SH2D2A: variants seen among roughly 807,000 people sequenced by gnomAD.
The protein encoded by SH2D2A is SH2 domain containing 2A.
SH2D2A carries 33 observed loss-of-function variants against 43.6 expected under a neutral mutation model. That is an observed-to-expected ratio of 0.76 (90% CI 0.57 to 1.01). The LOEUF (loss-of-function observed/expected upper bound fraction) is 1.01, where lower values mean the gene tolerates loss of function less well. SH2D2A is among the 50% of genes least tolerant of loss of function. The pLI is 0.00. For synonymous variants in SH2D2A, 212 were observed against 206.1 expected (o/e 1.03, Z -0.25); for missense variants, 491 against 503.1 (o/e 0.98, Z 0.23).
intron 2 of SH2D2A, chr1:156,815,436 T>A: frequency 1.8e-6 from 1 of 570,828 alleles, no homozygotes; most frequent in Non-Finnish European, 3.1e-6. Flanking sequence ...CTTTGCCCTC[T>A]GGGTCCTGAG....
chr1:156,815,432 C>T, intron 2 of SH2D2A: 1 of 568,602 alleles, frequency 1.8e-6, no homozygotes, highest in Admixed American at 3.1e-5. Context: ...CTTCCTTTGC[C>T]CTCTGGGTCC....
intron 5 of SH2D2A, among the ~76,000 whole-genome samples, 172 bp downstream of exon 5, chr1:156,813,676 G>T (rs1308376522): frequency 6.6e-6 from 1 of 152,312 alleles, no homozygotes; most frequent in East Asian, 1.9e-4. Flanking sequence ...CATATTTCTC[G>T]AAGGGCCTGC....
intron 5 of SH2D2A, among the ~76,000 whole-genome samples, chr1:156,813,256 C>G (rs138519860): frequency 6.6e-6 from 1 of 152,340 alleles, no homozygotes; most frequent in East Asian, 1.9e-4. Context: ...CCCGCATCCT[C>G]CCCTGGCCTC....
intron 3 of SH2D2A, chr1:156,814,668 T>C (rs1365182813): frequency 5.2e-6 from 2 of 387,322 alleles, no homozygotes; most frequent in African/African-American, 2.1e-5. Flanking sequence ...GGCTGAGAAA[T>C]GGAGGAGGGA....
At chr1:156,814,490 C>A in intron 3 of SH2D2A, 196 bp from the exon 4 acceptor site, 1 of 1,051,052 alleles carries the variant, frequency 9.5e-7, no homozygotes, top group East Asian at 2.7e-5. Context: ...TGGACAGGGG[C>A]CAGGGGTCCC....
At position 156,816,745 on chromosome 1, in the gene SH2D2A, G is replaced by T; in HGVS notation, c.-37C>A. 1 of 1,564,714 alleles carries T rather than the reference G, an allele frequency of 6.4e-7. No individual in the cohort carries two copies. Among genetic ancestry groups the T allele is most frequent in the Non-Finnish European group, 8.7e-7 (1 of 1,155,852 alleles). ...CACAAGGGATCCCAGAGCAGGGTGT[G>T]TGTATGTGTTCCGGAAAGGTGTGCA... On this transcript the variant is annotated 5_prime_UTR_variant, in exon 1 of 9. Transcript: ENST00000368199.
intron 5 of SH2D2A, among the ~76,000 whole-genome samples, chr1:156,812,316 C>G (rs1653475760): frequency 6.6e-6 from 1 of 152,176 alleles, no homozygotes; most frequent in Non-Finnish European, 1.5e-5. Context: ...CAGAATAAAA[C>G]TTCAAATGCA....
Position 156,807,240 on chromosome 1 carries a change from G to C in SH2D2A, c.1108C>G (p.Leu370Val). The C allele has an allele frequency of 7.6e-7, 1 of 1,313,508 alleles. No individual in the cohort carries two copies. Among genetic ancestry groups the C allele is most frequent in the Non-Finnish European group, 1.0e-6 (1 of 979,216 alleles). 81.4% of individuals were successfully genotyped at this position (1,313,508 alleles called of 1,614,324 possible). ...PAWRHTLPHN[L>V]SRQVLQDRGQ... Reference sequence around the variant, plus strand: ...CTGTCCTGAAGCACCTGTCTAGAAAGATTGTGGGGGAGGGTGTGTCTCCAG... The same window carrying C: ...CTGTCCTGAAGCACCTGTCTAGAAACATTGTGGGGGAGGGTGTGTCTCCAG... The change falls in exon 8 of 9, where the codon CTT becomes GTT. Residue 370 changes from leucine (L) to valine (V), a missense_variant. Transcript: ENST00000368199. This position sits in a 1 kb window ranked among gnomAD's most constrained non-coding sequence, Gnocchi z 5.1.
rs1210831414 is a variant in SH2D2A, at chr1:156,814,255, G to A, written c.348C>T (p.Cys116=). Residue 116 remains cysteine, a synonymous_variant, in exon 4 of 9, where the codon TGC becomes TGT. Coordinates refer to ENST00000368199, the MANE Select transcript of SH2D2A (RefSeq NM_003975.4). ...ERLLEPKPQG[C]YLVRFSESAV... is the part of the protein sequence containing the mutation. Reference sequence around the variant, plus strand: ...CGCTCTCGCTGAACCGCACCAAGTAGCACCCCTGAGGCTTGGGCTCCAGCA... The same window carrying A: ...CGCTCTCGCTGAACCGCACCAAGTAACACCCCTGAGGCTTGGGCTCCAGCA... 1.2e-6 allele frequency: 2 copies of A among 1,614,002 alleles called. No homozygotes were observed. The highest frequency in any genetic ancestry group is 1.7e-6 in the Non-Finnish European group (2 of 1,179,992).
rs1653879392 is a variant in SH2D2A at position 156,815,992 on chromosome 1, A to C, written c.123+14T>G. 6.2e-7 allele frequency: 1 copy of C among 1,612,934 alleles called. No individual in the cohort carries two copies. Among genetic ancestry groups the C allele is most frequent in the African/African-American group, 1.3e-5 (1 of 74,862 alleles). On this transcript the variant is annotated intron_variant, in intron 2 of 8. Transcript: ENST00000368199. ...GGGAGCTGCACCACGCTGCCGCCCC[A>C]GGTTTCCACTCACCGCAGTGTAGCC...
At position 156,813,840 on chromosome 1, in the gene SH2D2A, G is replaced by A. The variant is rs1305009131; in HGVS notation, c.567+8C>T. 1 of 1,469,410 alleles carries A rather than the reference G, an allele frequency of 6.8e-7. No individual in the cohort carries two copies. The allele number at this position is 1,469,410 out of a possible 1,614,324, so 91.0% of individuals were successfully genotyped here. On this transcript the variant is annotated splice_region_variant and intron_variant, in intron 5 of 8. Transcript: ENST00000368199. ...CTGGGCTCTCTGGTCAGGGTCTGGG[G>A]CGCGTACCTGTCGGGCGAGGGGCTC...
rs775303076 is a variant in SH2D2A at position 156,814,226 on chromosome 1, A to T, written c.377T>A (p.Val126Glu). 1.2e-6 allele frequency: 2 copies of T among 1,613,814 alleles called. No homozygotes were observed. Among genetic ancestry groups the T allele is most frequent in the South Asian group, 1.1e-5 (1 of 91,082 alleles). ...CYLVRFSESA[V>E]TFVLTYRSRT... Reference sequence around the variant, plus strand: ...TCACCTGTAAGTCAGCACGAAGGTCACCGCGCTCTCGCTGAACCGCACCAA... The same window carrying T: ...TCACCTGTAAGTCAGCACGAAGGTCTCCGCGCTCTCGCTGAACCGCACCAA... Residue 126 changes from valine to glutamate, a missense_variant, in exon 4 of 9, where the codon GTG becomes GAG. Transcript: ENST00000368199.
rs1489343883 is a variant in SH2D2A at position 156,809,968 on chromosome 1, G to A, written c.568-161C>T. 1.3e-5 allele frequency among the ~76,000 whole-genome samples: 2 copies of A among 152,098 alleles called. No individual in the cohort carries two copies. The highest frequency in any genetic ancestry group is 2.9e-5 in the Non-Finnish European group (2 of 68,018). On this transcript the variant is annotated intron_variant, in intron 5 of 8. Coordinates refer to ENST00000368199, the MANE Select transcript of SH2D2A (RefSeq NM_003975.4). This position sits in a 1 kb window ranked among gnomAD's most constrained non-coding sequence, Gnocchi z 4.8. ...TTCCCTGGATGAGGAAGAGGGGGTGGTGACGGCAGGGAGACCCAGGGTTGG... is the reference window on the plus strand; with the variant it reads ...TTCCCTGGATGAGGAAGAGGGGGTGATGACGGCAGGGAGACCCAGGGTTGG...
At chr1:156,808,805 C>T (rs562426831) in intron 7 of SH2D2A, among the ~76,000 whole-genome samples, 4 of 152,252 alleles carry the variant, frequency 2.6e-5, no homozygotes, top group Admixed American at 6.5e-5. Flanking sequence ...ACAGCAGGGC[C>T]GTGAAGGCCA....
intron 2 of SH2D2A, chr1:156,815,544 T>C: frequency 1.6e-6 from 1 of 606,284 alleles, no homozygotes; most frequent in South Asian, 2.0e-5. Context: ...TTCCCTGGCC[T>C]GGAGGATGAA....
intron 7 of SH2D2A, among the ~76,000 whole-genome samples, chr1:156,808,976 G>C (rs1441241769): frequency 6.6e-6 from 1 of 152,154 alleles, no homozygotes; most frequent in African/African-American, 2.4e-5. Context: ...GGAGGGCATG[G>C]GGGCTTGACA....
intron 2 of SH2D2A, chr1:156,815,725 G>T: frequency 2.3e-6 from 3 of 1,283,190 alleles, no homozygotes; most frequent in Non-Finnish European, 3.4e-6. Flanking sequence ...GAGTGCAGAT[G>T]CCTGCTTCTG....
In SH2D2A at chr1:156,808,529, A is replaced by G. The variant is rs144243705; in HGVS notation, c.1002+674T>C. Among the ~76,000 whole-genome samples, 179 of 152,106 alleles carry G rather than the reference A, an allele frequency of 1.2e-3. 1 individual carries two copies. Among genetic ancestry groups the G allele is most frequent in the Admixed American group, 4.8e-3 (73 of 15,278 alleles). Reference sequence around the variant, plus strand: ...GAGCAGGGAGCCTGGGGCACCAGCAAGGAGGGAGGATGGGGAAGGGTCTGA... The same window carrying G: ...GAGCAGGGAGCCTGGGGCACCAGCAGGGAGGGAGGATGGGGAAGGGTCTGA... On this transcript the variant is annotated intron_variant, in intron 7 of 8. Coordinates refer to ENST00000368199, the MANE Select transcript of SH2D2A (RefSeq NM_003975.4).
chr1:156,814,705 G>A (rs1653723949), intron 3 of SH2D2A: 1 of 399,594 alleles, frequency 2.5e-6, no homozygotes, highest in Non-Finnish European at 4.5e-6. Flanking sequence ...AAGAAGAGAG[G>A]GCTGGGAGAT....
Sources: gnomAD v4.1 joint callset for allele counts (sites outside exome capture counted in the v4.1 genomes callset) on GRCh38, gnomAD v4.1.1 for gene constraint, Gnocchi (gnomAD v3.1) non-coding constraint, MANE v1.5 for transcripts, NCBI Gene and HGNC (gene_info 2026-07-23, HGNC 2026-07-21) for gene names.